The following EFCAB8 variants were observed in gnomAD, a reference collection of about 807,000 sequenced individuals.
EFCAB8 encodes the protein EF-hand calcium binding domain 8.
Under a neutral mutation model 116.3 loss-of-function variants are expected in EFCAB8, and 100 were observed. The ratio of observed to expected loss-of-function variants is 0.86; its 90% CI spans 0.73 to 1.02. The LOEUF is 1.02. Among genes scored for constraint, EFCAB8 ranks in the 50% least tolerant of loss-of-function variants. The probability of loss-of-function intolerance (pLI) is 0.00; values close to 1 mark genes in which losing one functional copy is unlikely to be tolerated. For synonymous variants in EFCAB8, 558 were observed against 567.9 expected, an observed-to-expected ratio of 0.98 and a Z score of 0.25; for missense variants, 1,320 against 1,416.9, an observed-to-expected ratio of 0.93 and a Z score of 1.10.
intron 5 of EFCAB8, among the ~76,000 whole-genome samples, chr20:32,883,303 G>A (rs1985436170): frequency 6.6e-6 from 1 of 152,200 alleles, no homozygotes; most frequent in South Asian, 2.1e-4. Flanking sequence ...TGCCCCTCAA[G>A]AGGACATTCC....
intron 23 of EFCAB8, among the ~76,000 whole-genome samples, chr20:32,947,903 T>TA (rs377234035): frequency 0.032 from 3,205 of 100,788 alleles, 61 homozygotes; most frequent in African/African-American, 0.062. Flanking sequence ...CCATCTCAAT[T>TA]AAAAAAAAAA....
At chr20:32,938,119 C>CA (rs1988193483) in intron 22 of EFCAB8, among the ~76,000 whole-genome samples, 1 of 149,700 alleles carries the variant, frequency 6.7e-6, no homozygotes, top group African/African-American at 2.5e-5. Context: ...ACACCATGAC[C>CA]AAGTAAGATT....
At chr20:32,862,129 C>A (rs1375406836) in intron 1 of EFCAB8, among the ~76,000 whole-genome samples, 1 of 148,832 alleles carries the variant, frequency 6.7e-6, no homozygotes, top group African/African-American at 2.5e-5. Flanking sequence ...TTTATTATTT[C>A]TTTTCTTTTT....
intron 6 of EFCAB8, among the ~76,000 whole-genome samples, chr20:32,887,826 T>TGCTTCAACTTTCATTA (rs1310019197): frequency 6.6e-6 from 1 of 152,250 alleles, no homozygotes; most frequent in East Asian, 1.9e-4. Flanking sequence ...CCACCCTCAA[T>TGCTTCAACTTTCATTA]GCTTCAACTT....
chr20:32,863,107 T>A (rs1984199928), intron 1 of EFCAB8, among the ~76,000 whole-genome samples: 1 of 152,108 alleles, frequency 6.6e-6, no homozygotes, highest in Admixed American at 6.6e-5. Context: ...GTCTGCCCCC[T>A]GTGCGTGTCT....
At position 32,917,383 on chromosome 20, in the gene EFCAB8, C is replaced by T. The variant is rs13043425; in HGVS notation, c.1939C>T (p.Arg647Trp). 238,922 of 1,551,658 alleles carry T rather than the reference C, an allele frequency of 0.15. 20,178 individuals are homozygous for T. The highest frequency in any genetic ancestry group is 0.17 in the Non-Finnish European group (193,963 of 1,146,904). The change falls in exon 18 of 27, where the codon CGG (arginine) becomes TGG (tryptophan). Residue 647 changes from arginine (R) to tryptophan (W), a missense_variant. Coordinates refer to ENST00000400522, the MANE Select transcript of EFCAB8 (RefSeq NM_001143967.2). Reference protein sequence around the residue: ...TEDILSMAKYRNQFLGTSSYS... With the variant: ...TEDILSMAKYWNQFLGTSSYS... Reference sequence around the variant, plus strand: ...GGACATCCTGAGCATGGCCAAGTACCGGAACCAGTTCCTTGGGACCTCCTC... The same window carrying T: ...GGACATCCTGAGCATGGCCAAGTACTGGAACCAGTTCCTTGGGACCTCCTC...
At chr20:32,909,632 C>T (rs1254355801) in intron 14 of EFCAB8, among the ~76,000 whole-genome samples, 189 bp from the exon 15 acceptor site, 2 of 151,602 alleles carry the variant, frequency 1.3e-5, no homozygotes, top group African/African-American at 2.4e-5. Context: ...TCTCGGGGAG[C>T]GGGGGCCATG....
chr20:32,888,858 T>C (rs6120015), intron 6 of EFCAB8, among the ~76,000 whole-genome samples: 90,560 of 151,726 alleles, frequency 0.6, 28,351 homozygotes, highest in Middle Eastern at 0.73. Flanking sequence ...GCAGCTGCAG[T>C]GTCCCCTTTG....
intron 11 of EFCAB8, among the ~76,000 whole-genome samples, chr20:32,902,551 G>A (rs779940635): frequency 3.3e-5 from 5 of 151,726 alleles, no homozygotes; most frequent in East Asian, 1.9e-4. Flanking sequence ...GTTCAAGACC[G>A]GCCTGGGCAA....
chr20:32,901,538 C>T (rs1250349170), intron 11 of EFCAB8, among the ~76,000 whole-genome samples: 1 of 145,830 alleles, frequency 6.9e-6, no homozygotes, highest in African/African-American at 2.8e-5. Context: ...GCCAGGAGGG[C>T]CTCTGTGGGC....
At chr20:32,954,733 T>TA (rs569074335) in intron 23 of EFCAB8, among the ~76,000 whole-genome samples, 67 of 152,180 alleles carry the variant, frequency 4.4e-4, no homozygotes, top group Middle Eastern at 3.4e-3. Flanking sequence ...CCAAGAGAGT[T>TA]AAAAAAAATC....
intron 23 of EFCAB8, among the ~76,000 whole-genome samples, chr20:32,947,263 G>T (rs1167937196): frequency 6.6e-6 from 1 of 152,122 alleles, no homozygotes; most frequent in African/African-American, 2.4e-5. Flanking sequence ...AATAATCTAT[G>T]ATTGTAGCAT....
intron 20 of EFCAB8, among the ~76,000 whole-genome samples, chr20:32,926,957 G>A (rs1004812196): frequency 5.3e-5 from 8 of 151,134 alleles, no homozygotes; most frequent in Non-Finnish European, 1.2e-4. Flanking sequence ...TGTGAATAAT[G>A]CCGCAATAAA....
intron 11 of EFCAB8, among the ~76,000 whole-genome samples, chr20:32,901,199 G>A (rs530880001): frequency 2.4e-4 from 36 of 152,200 alleles, no homozygotes; most frequent in Non-Finnish European, 4.6e-4. Flanking sequence ...TGTCTGCATT[G>A]GTGGTGGTAT....
In EFCAB8 at chr20:32,873,244, A is replaced by AG. The variant is rs535637937; in HGVS notation, c.209-2680dup. 7.2e-5 allele frequency among the ~76,000 whole-genome samples: 11 copies of AG among 152,144 alleles called. No individual in the cohort carries two copies. The East Asian group carries it at 2.1e-3, about 29-fold the overall frequency. On this transcript the variant is annotated intron_variant, in intron 3 of 26. Coordinates refer to ENST00000400522, the MANE Select transcript of EFCAB8 (RefSeq NM_001143967.2). Reference sequence around the variant, plus strand: ...TGGCCTCCTTAGACAGACCCTAGGAAGGCTTCCCTATGGAAGGAGCCCCCT... The same window carrying AG: ...TGGCCTCCTTAGACAGACCCTAGGAAGGGCTTCCCTATGGAAGGAGCCCCCT...
At position 32,917,319 on chromosome 20, in the gene EFCAB8, A is replaced by G. The variant is rs150659516; in HGVS notation, c.1875A>G (p.Pro625=). The stretch of plus-strand genomic sequence containing the variant: ...TGCACAGGTTCCACAAGACCAAGCC[A>G]GTGCTCTTGTGCTACCACTGGCAGA... The part of the protein sequence containing the change: ...ITHFLFHKTK[P]VLLCYHWQTY... Residue 625 remains proline, a synonymous_variant, in exon 18 of 27, where the codon CCA becomes CCG. Transcript: ENST00000400522. 1.1e-3 allele frequency: 1,709 copies of G among 1,551,526 alleles called. 6 individuals carry two copies. In the African/African-American group the frequency reaches 0.013, roughly 12 times the overall value.
At chr20:32,864,849 C>T (rs1984306889) in intron 2 of EFCAB8, among the ~76,000 whole-genome samples, 1 of 152,110 alleles carries the variant, frequency 6.6e-6, no homozygotes, top group Non-Finnish European at 1.5e-5. Flanking sequence ...CACTATGAGA[C>T]AAGGAGTAAT....
In EFCAB8 at chr20:32,961,778, T is replaced by C. The variant is rs11167190; in HGVS notation, c.*169T>C. Among the ~76,000 whole-genome samples, 68 of 152,232 alleles carry C rather than the reference T, an allele frequency of 4.5e-4. No individual in the cohort carries two copies. Among genetic ancestry groups the C allele is most frequent in the Admixed American group, 2.6e-4 (4 of 15,306 alleles). ...CTGTCTCCTAATCTTGTCTTCTCTC[T>C]GGCCCCGCACAGAGCCCTGGGGCAG... On this transcript the variant is annotated 3_prime_UTR_variant, in exon 27 of 27. Coordinates refer to ENST00000400522, the MANE Select transcript of EFCAB8 (RefSeq NM_001143967.2).
intron 22 of EFCAB8, among the ~76,000 whole-genome samples, chr20:32,937,488 A>AATAGAAAATCTGAATAT (rs1191248617): frequency 2.0e-5 from 3 of 152,256 alleles, no homozygotes; most frequent in Admixed American, 6.5e-5. Flanking sequence ...CTTAATAAGA[A>AATAGAAAATCTGAATAT]ATAGAAAATC....
Sources: gnomAD v4.1 joint callset for allele counts (sites outside exome capture counted in the v4.1 genomes callset) on GRCh38, gnomAD v4.1.1 for gene constraint, MANE v1.5 for transcripts, NCBI Gene and HGNC (gene_info 2026-07-23, HGNC 2026-07-21) for gene names.